Variants in PACRG observed in about 807,000 individuals in gnomAD.
PACRG encodes parkin coregulated gene protein.
In PACRG, 29 loss-of-function variants were observed where a neutral mutation model predicts 29.7. The observed-to-expected ratio is 0.98, with a 90% CI of 0.73 to 1.33. The LOEUF is 1.33. Ranked by LOEUF, PACRG falls within the 40% of genes most tolerant of loss-of-function variation. The pLI, the probability that PACRG is intolerant of heterozygous loss-of-function variation, is 0.00. For synonymous variants in PACRG, 116 were observed against 118.7 expected (o/e 0.98, Z 0.15); for missense variants, 279 against 316.2 (o/e 0.88, Z 0.89).
At chr6:163,300,425 A>C (rs929892615) in intron 4 of PACRG, among the ~76,000 whole-genome samples, 1 of 150,678 alleles carries the variant, frequency 6.6e-6, no homozygotes, top group Non-Finnish European at 1.5e-5. Context: ...GTGGCGGTAG[A>C]TGCGGGGATT....
At chr6:163,095,548 C>A in intron 4 of PACRG, 1 of 651,460 alleles carries the variant, frequency 1.5e-6, no homozygotes, top group Non-Finnish European at 1.9e-6. Context: ...AAGGTGTGGA[C>A]AGGGCCAGCT....
At chr6:162,874,577 G>A (rs923866383) in intron 2 of PACRG, among the ~76,000 whole-genome samples, 9 of 152,106 alleles carry the variant, frequency 5.9e-5, no homozygotes, top group African/African-American at 2.2e-4. Context: ...TGCACCACAA[G>A]GCTGTTTGCC....
intron 4 of PACRG, among the ~76,000 whole-genome samples, chr6:163,161,132 A>T (rs1778538846): frequency 6.6e-6 from 1 of 152,132 alleles, no homozygotes; most frequent in Non-Finnish European, 1.5e-5. Context: ...CATCACGTAT[A>T]CTTGGCTCTC....
intron 2 of PACRG, among the ~76,000 whole-genome samples, chr6:163,009,404 G>A (rs2025546): frequency 0.5 from 76,735 of 152,014 alleles, 20,052 homozygotes; most frequent in East Asian, 0.92. Flanking sequence ...AATTGAAAAT[G>A]TAAAACTTCC....
At chr6:163,163,217 G>T (rs570927411) in intron 4 of PACRG, among the ~76,000 whole-genome samples, 49 of 152,198 alleles carry the variant, frequency 3.2e-4, no homozygotes, top group African/African-American at 1.2e-3. Context: ...ACACCTACTT[G>T]CTAATTCAGC....
intron 2 of PACRG, among the ~76,000 whole-genome samples, chr6:163,018,224 C>T (rs757543962): frequency 3.3e-5 from 5 of 152,136 alleles, no homozygotes; most frequent in Non-Finnish European, 5.9e-5. Flanking sequence ...TTCCTACTCT[C>T]CTACCCCTCA....
intron 4 of PACRG, among the ~76,000 whole-genome samples, chr6:163,203,211 A>G (rs1193133557): frequency 6.6e-6 from 1 of 152,058 alleles, no homozygotes; most frequent in African/African-American, 2.4e-5. Flanking sequence ...TCAGGAGTTC[A>G]AGACCAGCCT....
rs898128430 is a variant in PACRG at position 162,895,508 on chromosome 6, A to G, written c.291+81227A>G. Among the ~76,000 whole-genome samples, 10 of 152,136 alleles carry G rather than the reference A, an allele frequency of 6.6e-5. No homozygotes were observed. The South Asian group carries it at 1.2e-3, about 19-fold the overall frequency. ...TCTTTACTTTGTATCAAATGGGGCT[A>G]TTACTTAAATTCTTTGTATGTTTTA... On this transcript the variant is annotated intron_variant, in intron 2 of 4. Coordinates refer to ENST00000366888, the MANE Select transcript of PACRG (RefSeq NM_001080379.2).
intron 3 of PACRG, among the ~76,000 whole-genome samples, chr6:163,076,726 C>T (rs760533862): frequency 1.3e-5 from 2 of 152,128 alleles, no homozygotes; most frequent in Non-Finnish European, 2.9e-5. Context: ...TTTCGGAATG[C>T]CCATTCTCAC....
intron 4 of PACRG, among the ~76,000 whole-genome samples, chr6:163,290,249 C>T (rs1292486020): frequency 6.6e-6 from 1 of 151,184 alleles, no homozygotes; most frequent in Admixed American, 6.6e-5. Flanking sequence ...AATTATCATA[C>T]GCACATGTGC....
chr6:163,072,486 C>G (rs370933587), intron 3 of PACRG, among the ~76,000 whole-genome samples: 7 of 152,132 alleles, frequency 4.6e-5, no homozygotes, highest in African/African-American at 1.4e-4. Context: ...GTACGACAGA[C>G]TCACAGCTAG....
intron 4 of PACRG, among the ~76,000 whole-genome samples, chr6:163,260,917 A>G (rs962568876): frequency 6.6e-6 from 1 of 151,902 alleles, no homozygotes; most frequent in African/African-American, 2.4e-5. Flanking sequence ...GGTAGATGCT[A>G]TTCGAATCTA....
chr6:163,069,747 CA>C (rs1811874637), intron 3 of PACRG, among the ~76,000 whole-genome samples: 1 of 151,966 alleles, frequency 6.6e-6, no homozygotes, highest in East Asian at 1.9e-4. Flanking sequence ...AAAGTTTATG[CA>C]AAAGGATAAT....
At chr6:163,144,197 T>A in intron 4 of PACRG, among the ~76,000 whole-genome samples, 1 of 137,346 alleles carries the variant, frequency 7.3e-6, no homozygotes. Context: ...CCACTGCACT[T>A]CAACCTGGGA....
intron 4 of PACRG, among the ~76,000 whole-genome samples, chr6:163,133,057 T>A (rs1342018165): frequency 6.6e-6 from 1 of 152,096 alleles, no homozygotes; most frequent in Non-Finnish European, 1.5e-5. Flanking sequence ...TAAGAATCAG[T>A]AAGTTGATTT....
chr6:163,107,753 T>C (rs145709268), intron 4 of PACRG, among the ~76,000 whole-genome samples: 47 of 152,276 alleles, frequency 3.1e-4, no homozygotes, highest in African/African-American at 1.1e-3. Context: ...ACCTTTTCTT[T>C]GTTGGATTCC....
chr6:163,191,833 A>G (rs1283875577), intron 4 of PACRG: 1 of 447,776 alleles, frequency 2.2e-6, no homozygotes, highest in Non-Finnish European at 4.5e-6. Flanking sequence ...GTAACACTTC[A>G]TAGGAGTCCC....
intron 4 of PACRG, among the ~76,000 whole-genome samples, chr6:163,130,416 C>G (rs942829827): frequency 6.6e-6 from 1 of 152,114 alleles, no homozygotes; most frequent in African/African-American, 2.4e-5. Context: ...CCACTTTGCC[C>G]TTCCTATGTC....
intron 2 of PACRG, among the ~76,000 whole-genome samples, chr6:163,034,777 A>AG (rs1163887298): frequency 1.3e-5 from 2 of 152,178 alleles, no homozygotes; most frequent in Non-Finnish European, 2.9e-5. Flanking sequence ...GTTACAGGGA[A>AG]GGGGTCCTAA....
Sources: gnomAD v4.1 joint callset for allele counts (sites outside exome capture counted in the v4.1 genomes callset) on GRCh38, gnomAD v4.1.1 for gene constraint, MANE v1.5 for transcripts, NCBI Gene and HGNC (gene_info 2026-07-23, HGNC 2026-07-21) for gene names.